The following SNX29 variants were observed in gnomAD, a reference collection of about 807,000 sequenced individuals.
The protein encoded by SNX29 is sorting nexin 29, also known as sorting nexin-29.
Under a neutral mutation model 102.1 loss-of-function variants are expected in SNX29, and 78 were observed. That is an observed-to-expected ratio of 0.76 (90% CI 0.64 to 0.92). The LOEUF is 0.92. Ranked by LOEUF, SNX29 falls within the 40% of genes least tolerant of loss-of-function variation. The probability of loss-of-function intolerance (pLI) is 0.00; values close to 1 mark genes in which losing one functional copy is unlikely to be tolerated. For missense variants in SNX29, 1,280 were observed against 1,061.7 expected (o/e 1.21, Z -2.86); for synonymous variants, 580 against 414.5 (o/e 1.40, Z -4.85).
intron 18 of SNX29, among the ~76,000 whole-genome samples, chr16:12,460,497 C>T (rs933560094): frequency 1.1e-4 from 16 of 152,070 alleles, no homozygotes; most frequent in African/African-American, 3.9e-4. Flanking sequence ...TGGCCAGCTC[C>T]TCTTCATCCT....
chr16:12,264,643 G>C (rs751377971), intron 14 of SNX29, among the ~76,000 whole-genome samples: 15 of 152,054 alleles, frequency 9.9e-5, no homozygotes, highest in Non-Finnish European at 1.8e-4. Context: ...TTAGCCGGAC[G>C]TGATAGCAAG....
intron 13 of SNX29, among the ~76,000 whole-genome samples, chr16:12,183,537 A>G (rs1259739017): frequency 6.6e-6 from 1 of 152,208 alleles, no homozygotes; most frequent in Non-Finnish European, 1.5e-5. Flanking sequence ...AAGCAATGTG[A>G]AAGTTGTTTC....
rs71139569 is a variant in SNX29, at chr16:11,979,275, C to CAAAAAAAAAAAAAAAAAAAAA, written c.7+2466_7+2486dup. Among the ~76,000 whole-genome samples, 7 of 61,998 alleles carry CAAAAAAAAAAAAAAAAAAAAA rather than the reference C, an allele frequency of 1.1e-4. 1 individual carries two copies. Among genetic ancestry groups the CAAAAAAAAAAAAAAAAAAAAA allele is most frequent in the African/African-American group, 5.2e-4 (7 of 13,386 alleles). 40.7% of individuals were successfully genotyped at this position (61,998 alleles called of 152,430 possible). ...GGGCAACAGAGTGAGACTCAGTCTC[C>CAAAAAAAAAAAAAAAAAAAAA]AAAAAAAAAAAAAAAAAAAAAAAAT... On this transcript the variant is annotated intron_variant, in intron 1 of 20. Transcript: ENST00000566228.
chr16:12,303,703 T>C (rs562431353), intron 15 of SNX29, among the ~76,000 whole-genome samples: 3 of 152,254 alleles, frequency 2.0e-5, no homozygotes, highest in South Asian at 2.1e-4. Flanking sequence ...TGTCTTGTTA[T>C]GGTTCCTCAT....
rs200789460 is a variant in SNX29, at chr16:12,521,267, A to AT, written c.2179-3425dup. Among the ~76,000 whole-genome samples the AT allele has an allele frequency of 5.6e-3, 850 of 150,740 alleles. 5 individuals carry two copies. Among genetic ancestry groups the AT allele is most frequent in the Non-Finnish European group, 9.5e-3 (639 of 67,536 alleles). ...CGCAAAAATTATTGAAAGAAATCAG[A>AT]TTTTTTTTTTAATTCCAATTGCTGC... On this transcript the variant is annotated intron_variant, in intron 19 of 20. Coordinates refer to ENST00000566228, the MANE Select transcript of SNX29 (RefSeq NM_032167.5).
chr16:12,336,816 T>C (rs1447451876), intron 15 of SNX29, among the ~76,000 whole-genome samples: 1 of 152,132 alleles, frequency 6.6e-6, no homozygotes. Context: ...TGTGGTGATG[T>C]GTACCTGTAA....
At chr16:12,044,935 C>T (rs900134733) in intron 5 of SNX29, among the ~76,000 whole-genome samples, 6 of 152,164 alleles carry the variant, frequency 3.9e-5, no homozygotes, top group East Asian at 3.9e-4. Context: ...ATATTATTTA[C>T]GGGTAGTTCA....
At chr16:12,309,557 C>G (rs2911494) in intron 15 of SNX29, among the ~76,000 whole-genome samples, 124,347 of 152,056 alleles carry the variant, frequency 0.82, 51,367 homozygotes, top group African/African-American at 0.94. Context: ...CACTCTTTGA[C>G]GGCAGAGACT....
At chr16:12,057,121 G>A (rs578155842) in intron 8 of SNX29, among the ~76,000 whole-genome samples, 1 of 152,256 alleles carries the variant, frequency 6.6e-6, no homozygotes, top group Non-Finnish European at 1.5e-5. Flanking sequence ...GCCCAGATGG[G>A]GCTTTTTAAA....
intron 15 of SNX29, among the ~76,000 whole-genome samples, chr16:12,307,664 A>G (rs889864271): frequency 2.0e-5 from 3 of 152,162 alleles, no homozygotes; most frequent in African/African-American, 7.2e-5. Flanking sequence ...ATGGTCTTGG[A>G]TTTGCCGAAG....
intron 13 of SNX29, among the ~76,000 whole-genome samples, chr16:12,175,494 A>G (rs1337569028): frequency 6.6e-6 from 1 of 151,990 alleles, no homozygotes; most frequent in African/African-American, 2.4e-5. Flanking sequence ...AAACAAACAA[A>G]CAAAAAATTA....
In SNX29 at chr16:12,540,296, G is replaced by A. The variant is rs186134235; in HGVS notation, c.2318+15455G>A. Among the ~76,000 whole-genome samples the A allele has an allele frequency of 1.3e-3, 196 of 152,242 alleles. 1 individual carries two copies. The East Asian group carries it at 0.02, about 16-fold the overall frequency. On this transcript the variant is annotated intron_variant, in intron 20 of 20. Transcript: ENST00000566228. ...GGGAGGACAGGACTAGAGGCATTACGGGGTGGCCCCACCCTCTTGGGACCA... is the reference window on the plus strand; with the variant it reads ...GGGAGGACAGGACTAGAGGCATTACAGGGTGGCCCCACCCTCTTGGGACCA...
chr16:12,538,106 G>A (rs925467034), intron 20 of SNX29, among the ~76,000 whole-genome samples: 5 of 142,074 alleles, frequency 3.5e-5, no homozygotes, highest in South Asian at 5.1e-4. Flanking sequence ...ACAGCTTTCT[G>A]CATTTCCCCT....
chr16:12,572,879 C>T lies in SNX29; in HGVS notation c.*4250C>T, dbSNP rs886170008. ...GCCCTAAAGGTAATGATTGTCTTGA[C>T]TCTGCCTTGGCATTTCGCTCGGAAT... On this transcript the variant is annotated 3_prime_UTR_variant, in exon 21 of 21. Transcript: ENST00000566228. 9.4e-7 allele frequency: 1 copy of T among 1,059,986 alleles called. No individual in the cohort carries two copies. The highest frequency in any genetic ancestry group is 1.1e-6 in the Non-Finnish European group (1 of 874,818). 65.7% of individuals were successfully genotyped at this position (1,059,986 alleles called of 1,614,324 possible).
rs1491230065 is a variant in SNX29 at position 12,242,368 on chromosome 16, T to TATATA, written c.1679-35565_1679-35564insATATA. 3.5e-3 allele frequency among the ~76,000 whole-genome samples: 404 copies of TATATA among 117,088 alleles called. 3 individuals are homozygous for TATATA. Among genetic ancestry groups the TATATA allele is most frequent in the African/African-American group, 0.012 (358 of 29,538 alleles). 76.8% of individuals were successfully genotyped at this position (117,088 alleles called of 152,430 possible). A position where few individuals can be genotyped will look rare whatever the true frequency, so the allele number is the denominator to read the frequency against. On this transcript the variant is annotated intron_variant, in intron 14 of 20. Coordinates refer to ENST00000566228, the MANE Select transcript of SNX29 (RefSeq NM_032167.5). ...ATATATAATAATATATATATATATATTTTTTTTTTTTTTTTAAGAAGAGGA... is the reference window on the plus strand; with the variant it reads ...ATATATAATAATATATATATATATATATATATTTTTTTTTTTTTTTAAGAAGAGGA...
At chr16:12,028,303 C>T (rs2057247806) in intron 4 of SNX29, among the ~76,000 whole-genome samples, 1 of 152,142 alleles carries the variant, frequency 6.6e-6, no homozygotes, top group Non-Finnish European at 1.5e-5. Context: ...TTTCCCTCTC[C>T]TTCATGTTGC....
chr16:12,562,191 TCA>T (rs2078763966), intron 20 of SNX29, among the ~76,000 whole-genome samples: 1 of 152,212 alleles, frequency 6.6e-6, no homozygotes, highest in South Asian at 2.1e-4. Context: ...AGCATAGGGT[TCA>T]CAGAGGAGTG....
chr16:12,253,499 C>A (rs756717565), intron 14 of SNX29, among the ~76,000 whole-genome samples: 4 of 152,058 alleles, frequency 2.6e-5, no homozygotes, highest in Admixed American at 2.0e-4. Context: ...GTGGGGAGAT[C>A]ATGACTTTAA....
intron 20 of SNX29, among the ~76,000 whole-genome samples, chr16:12,538,507 G>T (rs1002361083): frequency 6.6e-6 from 1 of 152,158 alleles, no homozygotes; most frequent in African/African-American, 2.4e-5. Flanking sequence ...TACTTTGTTG[G>T]TATGTGATAA....
Sources: allele counts gnomAD v4.1 joint callset (sites outside exome capture counted in the v4.1 genomes callset), GRCh38; gene constraint gnomAD v4.1.1; transcripts MANE v1.5; gene names NCBI Gene and HGNC (gene_info 2026-07-23, HGNC 2026-07-21).